The following TMEM150B variants were observed in gnomAD, a reference collection of about 807,000 sequenced individuals.
TMEM150B encodes the protein modulator of macroautophagy TMEM150B.
In TMEM150B, 33 loss-of-function variants were observed where a neutral mutation model predicts 25.2. The ratio of observed to expected loss-of-function variants is 1.31; its 90% CI spans 0.99 to 1.75. The LOEUF (loss-of-function observed/expected upper bound fraction) is 1.75, where lower values mean the gene tolerates loss of function less well. TMEM150B is among the 40% of genes most tolerant of loss of function. The pLI is 0.00. For synonymous variants in TMEM150B, 133 were observed against 134.8 expected (o/e 0.99, Z 0.09); for missense variants, 322 against 306.1 (o/e 1.05, Z -0.39).
chr19:55,317,091 G>C, intron 6 of TMEM150B, 125 bp from the exon 7 acceptor site: 1 of 780,622 alleles, frequency 1.3e-6, no homozygotes, highest in Non-Finnish European at 2.0e-6. Flanking sequence ...CCAGTGATGG[G>C]CTTATTAAGC....
intron 6 of TMEM150B, 98 bp downstream of exon 6, chr19:55,319,941 C>G: frequency 6.4e-7 from 1 of 1,558,470 alleles, no homozygotes; most frequent in South Asian, 1.2e-5. Context: ...GGGCGGGAAC[C>G]AGCCCCCGAG....
At chr19:55,320,876 G>T in intron 3 of TMEM150B, 93 bp downstream of exon 3, 1 of 1,452,810 alleles carries the variant, frequency 6.9e-7, no homozygotes, top group South Asian at 1.3e-5. Context: ...AGGGATCCAG[G>T]CCCCCAACCC....
At chr19:55,314,964 C>A (rs963110546) in intron 7 of TMEM150B, among the ~76,000 whole-genome samples, 1 of 152,150 alleles carries the variant, frequency 6.6e-6, no homozygotes, top group African/African-American at 2.4e-5. Flanking sequence ...GAGAAAGACC[C>A]CCCAAGGCTG....
At chr19:55,309,759 C>T (rs79941009), downstream of TMEM150B, among the ~76,000 whole-genome samples, 695 of 152,324 alleles carry the variant, frequency 4.6e-3, 5 homozygotes, top group African/African-American at 0.014. Context: ...GCATAAGGGG[C>T]ACTCGCCCAA....
At chr19:55,312,610 G>C (rs1258315155), downstream of TMEM150B, 17 of 410,164 alleles carry the variant, frequency 4.1e-5, no homozygotes, top group Non-Finnish European at 1.3e-5. Flanking sequence ...GCTGGCCTTG[G>C]CCTCTCGATT....
chr19:55,313,735 C>G (rs961439916), intron 7 of TMEM150B, among the ~76,000 whole-genome samples: 1 of 152,128 alleles, frequency 6.6e-6, no homozygotes, highest in Non-Finnish European at 1.5e-5. Context: ...TGGTCTGTCC[C>G]GTCCCTCCTC....
chr19:55,324,918 A>C (rs1478498954), intron 1 of TMEM150B: 1 of 984,124 alleles, frequency 1.0e-6, no homozygotes, highest in Non-Finnish European at 1.2e-6. Context: ...AGGAAGTCAC[A>C]CAAAGCTATG....
At chr19:55,314,810 A>G (rs529198209) in intron 7 of TMEM150B, among the ~76,000 whole-genome samples, 1 of 152,220 alleles carries the variant, frequency 6.6e-6, no homozygotes, top group Admixed American at 6.5e-5. Flanking sequence ...ACACTTTGTC[A>G]CTCCAGGAAA....
chr19:55,312,219 G>A (rs111906889), downstream of TMEM150B: 9 of 440,978 alleles, frequency 2.0e-5, no homozygotes, highest in African/African-American at 1.4e-4. Context: ...TCCACAGGCC[G>A]TGCCCAACTG....
At chr19:55,310,643 C>G (rs2123010201), downstream of TMEM150B, among the ~76,000 whole-genome samples, 1 of 152,250 alleles carries the variant, frequency 6.6e-6, no homozygotes, top group Non-Finnish European at 1.5e-5. The surrounding 1 kb of genome is among the most constrained non-coding windows in gnomAD (Gnocchi z 5.0). Context: ...TAGGTGGAGG[C>G]CAGGGATGCT....
In TMEM150B at chr19:55,312,967, G is replaced by A. The variant is rs2088852326; in HGVS notation, c.594C>T (p.Leu198=). 1.9e-6 allele frequency: 3 copies of A among 1,613,628 alleles called. 1 individual carries two copies. Among genetic ancestry groups the A allele is most frequent in the South Asian group, 2.2e-5 (2 of 91,052 alleles). ...CCAGGGCGGAGAAGTCAACGGCTAA[G>A]AGACCGAAGAGCGCGAACAGCAGCA... The part of the protein sequence containing the change: ...VAMLLFALFG[L]LAVDFSALES... The change falls in exon 8 of 8, where the codon CTC becomes CTT. Residue 198 remains leucine (L), a synonymous_variant. Coordinates refer to ENST00000326652, the MANE Select transcript of TMEM150B (RefSeq NM_001282011.2).
At chr19:55,316,702 TC>T in intron 7 of TMEM150B, 83 bp downstream of exon 7, 1 of 1,279,206 alleles carries the variant, frequency 7.8e-7, no homozygotes, top group Non-Finnish European at 1.0e-6. Context: ...GGAAGAGACA[TC>T]CCCAGTGACA....
chr19:55,313,917 G>T (rs1049007987), intron 7 of TMEM150B, among the ~76,000 whole-genome samples: 1 of 152,172 alleles, frequency 6.6e-6, no homozygotes, highest in Non-Finnish European at 1.5e-5. Flanking sequence ...TTTCTAAGGG[G>T]GCTGAGAAGT....
downstream of TMEM150B, among the ~76,000 whole-genome samples, chr19:55,311,024 G>A (rs1444282398): frequency 6.6e-6 from 1 of 152,026 alleles, no homozygotes; most frequent in African/African-American, 2.4e-5. Flanking sequence ...GCAGTGGCGC[G>A]ATCTCAGCTC....
downstream of TMEM150B, among the ~76,000 whole-genome samples, chr19:55,310,756 G>A (rs1418091593): frequency 6.6e-6 from 1 of 152,088 alleles, no homozygotes; most frequent in Admixed American, 6.6e-5. This position sits in a 1 kb window ranked among gnomAD's most constrained non-coding sequence, Gnocchi z 5.0. Context: ...GGTTGCTAGG[G>A]GCAACCGGAA....
chr19:55,311,560 G>C (rs2088795439), downstream of TMEM150B, among the ~76,000 whole-genome samples: 1 of 152,164 alleles, frequency 6.6e-6, no homozygotes. Flanking sequence ...TGAACGTTGA[G>C]CACCGTCCTG....
rs567696594 is a variant in TMEM150B at position 55,315,664 on chromosome 19, G to A, written c.505+1122C>T. Among the ~76,000 whole-genome samples, 6 of 152,216 alleles carry A rather than the reference G, an allele frequency of 3.9e-5. No individual in the cohort carries two copies. The East Asian group carries it at 1.2e-3, about 30-fold the overall frequency. On this transcript the variant is annotated intron_variant, in intron 7 of 7. Transcript: ENST00000326652. ...TAGTCCCAGCTACTCAGGAGGCTGAGGCAGGAGAATGGCATGAACCTGGGA... is the reference window on the plus strand; with the variant it reads ...TAGTCCCAGCTACTCAGGAGGCTGAAGCAGGAGAATGGCATGAACCTGGGA...
chr19:55,320,093 G>A lies in TMEM150B; in HGVS notation c.270C>T (p.Ile90=). ...GGGCACACAGAAGACCCGTCCATAG[G>A]ATCAGCTGGTTAGGCCACCTTCTGA... ...WGVRRWPNQL[I]LWTGLLCALG... is the part of the protein sequence containing the mutation. Residue 90 remains isoleucine, a synonymous_variant, in exon 6 of 8, where the codon ATC becomes ATT. Coordinates refer to ENST00000326652, the MANE Select transcript of TMEM150B (RefSeq NM_001282011.2). 1.2e-6 allele frequency: 2 copies of A among 1,614,158 alleles called. No individual in the cohort carries two copies. Among genetic ancestry groups the A allele is most frequent in the South Asian group, 2.2e-5 (2 of 91,076 alleles).
chr19:55,315,570 G>A (rs2088968885), intron 7 of TMEM150B, among the ~76,000 whole-genome samples: 1 of 152,080 alleles, frequency 6.6e-6, no homozygotes, highest in Non-Finnish European at 1.5e-5. Flanking sequence ...GACCATCCTG[G>A]CTAACATGGT....
Sources: gnomAD v4.1 joint callset for allele counts (sites outside exome capture counted in the v4.1 genomes callset) on GRCh38, gnomAD v4.1.1 for gene constraint, Gnocchi (gnomAD v3.1) non-coding constraint, MANE v1.5 for transcripts, NCBI Gene and HGNC (gene_info 2026-07-23, HGNC 2026-07-21) for gene names.